DENND1B: variants seen among roughly 807,000 people sequenced by gnomAD.
DENND1B encodes the protein DENN domain containing 1B.
A neutral mutation model predicts 90.1 loss-of-function variants in DENND1B; 59 were observed. The ratio of observed to expected loss-of-function variants is 0.65; its 90% confidence interval spans 0.53 to 0.81. The LOEUF (loss-of-function observed/expected upper bound fraction) is 0.81. DENND1B is among the 40% of genes least tolerant of loss of function. The pLI is 0.00. For synonymous variants in DENND1B, 337 were observed against 324.6 expected (o/e 1.04, Z -0.41); for missense variants, 862 against 912.6 (o/e 0.94, Z 0.71).
intron 5 of DENND1B, 143 bp from the exon 6 acceptor site, chr1:197,658,512 G>A: frequency 1.9e-6 from 1 of 531,436 alleles, no homozygotes. Flanking sequence ...TACTTTTTCA[G>A]CAAAGTTTTA....
At chr1:197,640,058 GA>G (rs1680137716) in intron 10 of DENND1B, among the ~76,000 whole-genome samples, 1 of 152,060 alleles carries the variant, frequency 6.6e-6, no homozygotes, top group Non-Finnish European at 1.5e-5. Context: ...ATCAAACATA[GA>G]AAACAACTCC....
chr1:197,559,095 C>A (rs1671947763), intron 15 of DENND1B, among the ~76,000 whole-genome samples: 1 of 151,806 alleles, frequency 6.6e-6, no homozygotes, highest in Non-Finnish European at 1.5e-5. Context: ...TTTTACAATT[C>A]TTTAATTATT....
At chr1:197,646,246 T>C (rs1680725365) in intron 8 of DENND1B, among the ~76,000 whole-genome samples, 6 of 152,104 alleles carry the variant, frequency 3.9e-5, no homozygotes, top group Middle Eastern at 6.8e-3. Flanking sequence ...ATCTCTTTTG[T>C]AAACATCAAC....
At chr1:197,780,899 GA>G in the DENND1B span, among the ~76,000 whole-genome samples, 1 of 152,070 alleles carries the variant, frequency 6.6e-6, no homozygotes, top group Admixed American at 6.6e-5. Flanking sequence ...TAATGGTGTA[GA>G]GAAACCCAAG....
intron 10 of DENND1B, among the ~76,000 whole-genome samples, chr1:197,620,507 C>A (rs1217332541): frequency 6.6e-6 from 1 of 151,176 alleles, no homozygotes; most frequent in Non-Finnish European, 1.5e-5. Flanking sequence ...CAGATGAATT[C>A]TATCTTTTTT....
intron 3 of DENND1B, among the ~76,000 whole-genome samples, chr1:197,692,558 T>C (rs1658013070): frequency 6.6e-6 from 1 of 151,830 alleles, no homozygotes; most frequent in African/African-American, 2.4e-5. Context: ...AAATTGGAGT[T>C]ATCTGATGTT....
intron 2 of DENND1B, among the ~76,000 whole-genome samples, chr1:197,768,423 T>G (rs564101750): frequency 6.6e-6 from 1 of 152,210 alleles, no homozygotes; most frequent in Admixed American, 6.5e-5. Context: ...TTCATTTCCC[T>G]GAAGTCTTAA....
At chr1:197,657,694 G>T (rs914775211) in intron 6 of DENND1B, among the ~76,000 whole-genome samples, 1 of 152,046 alleles carries the variant, frequency 6.6e-6, no homozygotes, top group African/African-American at 2.4e-5. Context: ...ATGCTCTCAT[G>T]ATTCCTCAAA....
chr1:197,529,202 T>TGA (rs1669378151), intron 20 of DENND1B, among the ~76,000 whole-genome samples: 1 of 41,392 alleles, frequency 2.4e-5, no homozygotes, highest in African/African-American at 9.3e-5. Context: ...TAGTTAAGAG[T>TGA]GATATATATA....
chr1:197,620,046 A>T (rs1031377019), intron 10 of DENND1B, among the ~76,000 whole-genome samples: 1 of 151,328 alleles, frequency 6.6e-6, no homozygotes, highest in African/African-American at 2.4e-5. Context: ...CAAAAGTGTC[A>T]GGTTTAAGTA....
At chr1:197,574,951 T>A (rs564572112) in intron 15 of DENND1B, among the ~76,000 whole-genome samples, 3 of 152,202 alleles carry the variant, frequency 2.0e-5, no homozygotes, top group Admixed American at 2.0e-4. Flanking sequence ...TCAAGATGGA[T>A]TAAAGACTTA....
At chr1:197,653,892 T>C (rs1653518084) in intron 6 of DENND1B, among the ~76,000 whole-genome samples, 1 of 152,100 alleles carries the variant, frequency 6.6e-6, no homozygotes, top group Non-Finnish European at 1.5e-5. Context: ...AACAAGAAAT[T>C]ATCACGAATA....
chr1:197,639,416 C>T (rs948699276), intron 10 of DENND1B, among the ~76,000 whole-genome samples: 1 of 152,114 alleles, frequency 6.6e-6, no homozygotes, highest in African/African-American at 2.4e-5. Context: ...GAACCTCAAG[C>T]TAGCTGATTC....
upstream of DENND1B, among the ~76,000 whole-genome samples, chr1:197,777,118 C>G (rs1422675091): frequency 6.6e-6 from 1 of 151,986 alleles, no homozygotes. Flanking sequence ...AATTCGTAAG[C>G]TAAAAGCCAC....
chr1:197,599,916 T>A (rs142084521), intron 13 of DENND1B, among the ~76,000 whole-genome samples: 76 of 152,004 alleles, frequency 5.0e-4, no homozygotes, highest in African/African-American at 1.8e-3. Context: ...GAACTACACA[T>A]CTTTTATGAT....
At chr1:197,543,581 A>G (rs930011194) in intron 18 of DENND1B, among the ~76,000 whole-genome samples, 3 of 152,176 alleles carry the variant, frequency 2.0e-5, no homozygotes, top group African/African-American at 4.8e-5. Flanking sequence ...GTACTATTTC[A>G]TTGTAAAAAA....
At chr1:197,676,349 A>G (rs1656073491) in intron 3 of DENND1B, among the ~76,000 whole-genome samples, 2 of 152,122 alleles carry the variant, frequency 1.3e-5, no homozygotes, top group Admixed American at 1.3e-4. Context: ...ATTGAAAATT[A>G]TACTTCCACA....
chr1:197,540,574 G>A (rs1372532590), intron 19 of DENND1B, among the ~76,000 whole-genome samples: 1 of 151,828 alleles, frequency 6.6e-6, no homozygotes, highest in Non-Finnish European at 1.5e-5. Context: ...AACTACTATT[G>A]GAATGAGACT....
At position 197,607,080 on chromosome 1, in the gene DENND1B, C is replaced by T; in HGVS notation, c.914G>A (p.Ser305Asn). ...AATAGCCTTCATACTTACCACATCA[C>T]TTGGTAGGTTGTTCAAGTCACTAAA... ...SPFSDLNNLP[S>N]DVVSALKNKL... The change falls in exon 13 of 23, where the codon AGT becomes AAT. Residue 305 changes from serine to asparagine, a missense_variant. Coordinates refer to ENST00000620048, the MANE Select transcript of DENND1B (RefSeq NM_001195215.2). 1 of 1,603,556 alleles carries T rather than the reference C, an allele frequency of 6.2e-7. No individual in the cohort carries two copies. Among genetic ancestry groups the T allele is most frequent in the Non-Finnish European group, 8.5e-7 (1 of 1,172,970 alleles).
Sources: allele counts gnomAD v4.1 joint callset (sites outside exome capture counted in the v4.1 genomes callset), GRCh38; gene constraint gnomAD v4.1.1; transcripts MANE v1.5; gene names NCBI Gene and HGNC (gene_info 2026-07-23, HGNC 2026-07-21).